The following SLC25A44 variants were observed in gnomAD, a reference collection of about 807,000 sequenced individuals.
The protein encoded by SLC25A44 is solute carrier family 25 member 44, also known as solute carrier family 25, member 44.
SLC25A44 carries 17 observed loss-of-function variants against 29.9 expected under a neutral mutation model. That is an observed-to-expected ratio of 0.57 (90% confidence interval 0.39 to 0.85). The LOEUF is 0.85. Among genes scored for constraint, SLC25A44 ranks in the 40% least tolerant of loss-of-function variants. SLC25A44 has a pLI of 0.00. For synonymous variants in SLC25A44, 140 were observed against 151.8 expected (o/e 0.92, Z 0.57); for missense variants, 302 against 398.4 (o/e 0.76, Z 2.06).
Position 156,200,268 on chromosome 1 carries a change from C to CGCAAGGGT in SLC25A44, c.423_430dup (p.Glu144AlafsTer20). 6.2e-7 allele frequency: 1 copy of CGCAAGGGT among 1,614,150 alleles called. No individual in the cohort carries two copies. The highest frequency in any genetic ancestry group is 8.5e-7 in the Non-Finnish European group (1 of 1,180,028). Reference sequence around the variant, plus strand: ...AGTCTCCCAGCACCTGATGATGCAACGCAAGGGTGAGAAAATGGGCCGCTT... The same window carrying CGCAAGGGT: ...AGTCTCCCAGCACCTGATGATGCAACGCAAGGGTGCAAGGGTGAGAAAATGGGCCGCTT... On this transcript the variant is annotated frameshift_variant, in exon 2 of 4. Transcript: ENST00000359511. LOFTEE classifies it high-confidence loss of function.
intron 3 of SLC25A44, among the ~76,000 whole-genome samples, 200 bp from the exon 4 acceptor site, chr1:156,210,040 T>C (rs1430957245): frequency 3.3e-5 from 5 of 151,896 alleles, no homozygotes; most frequent in African/African-American, 9.7e-5. Context: ...TGTTAGTAGG[T>C]TGGGGAGCAG....
intron 1 of SLC25A44, chr1:156,197,708 G>A (rs1476441190): frequency 6.6e-6 from 1 of 152,066 alleles, no homozygotes; most frequent in African/African-American, 2.4e-5. Flanking sequence ...AGTGGGTGGA[G>A]ATCGCGCCAC....
At chr1:156,207,375 T>A (rs2540181) in intron 2 of SLC25A44, among the ~76,000 whole-genome samples, 12,598 of 152,162 alleles carry the variant, frequency 0.083, 640 homozygotes, top group African/African-American at 0.14. Flanking sequence ...GAGACGGGGT[T>A]TCACCATGTT....
rs1656367699 is a variant in SLC25A44, at chr1:156,198,773, A to G, written c.-13-1062A>G. The G allele has an allele frequency of 6.6e-6, 1 of 152,182 alleles. No individual in the cohort carries two copies. Among genetic ancestry groups the G allele is most frequent in the Admixed American group, 6.5e-5 (1 of 15,276 alleles). 9.4% of individuals were successfully genotyped at this position (152,182 alleles called of 1,614,324 possible). ...GCCTTTTCCTCTGTATCTTGTATCC[A>G]TTCCCCAGAGCGATACTGTGTATCC... is the stretch of plus-strand genomic sequence containing the variant. On this transcript the variant is annotated intron_variant, in intron 1 of 3. Transcript: ENST00000359511. The surrounding 1 kb of genome is among the most constrained non-coding windows in gnomAD (Gnocchi z 4.1).
chr1:156,199,877 C>G lies in SLC25A44; in HGVS notation c.30C>G (p.Ile10Met). 4 of 1,613,880 alleles carry G rather than the reference C, an allele frequency of 2.5e-6. No homozygotes were observed. The highest frequency in any genetic ancestry group is 1.7e-6 in the Non-Finnish European group (2 of 1,179,920). The change falls in exon 2 of 4, where the codon ATC becomes ATG. Residue 10 changes from isoleucine to methionine, a missense_variant. Transcript: ENST00000359511. ...AGGACAAACGCAACATCCAGATCAT[C>G]GAGTGGGAACACCTGGACAAGAAGA... MEDKRNIQI[I>M]EWEHLDKKKF... is the part of the protein sequence containing the mutation.
chr1:156,202,931 C>G (rs889210896), intron 2 of SLC25A44, among the ~76,000 whole-genome samples: 5 of 152,232 alleles, frequency 3.3e-5, no homozygotes, highest in Admixed American at 3.3e-4. Context: ...ACACCTAGCT[C>G]AGGGTCTGGT....
chr1:156,209,921 T>A (rs1340374135), intron 3 of SLC25A44, among the ~76,000 whole-genome samples: 1 of 150,696 alleles, frequency 6.6e-6, no homozygotes, highest in Non-Finnish European at 1.5e-5. Context: ...TTTATGAATA[T>A]TTTTTTTTTC....
At chr1:156,209,916 G>T (rs942090064) in intron 3 of SLC25A44, among the ~76,000 whole-genome samples, 3 of 152,022 alleles carry the variant, frequency 2.0e-5, no homozygotes, top group Non-Finnish European at 4.4e-5. Context: ...TAGTATTTAT[G>T]AATATTTTTT....
chr1:156,195,384 C>G (rs909510789), intron 1 of SLC25A44, among the ~76,000 whole-genome samples: 4 of 152,038 alleles, frequency 2.6e-5, no homozygotes. Context: ...ATTATAGGCC[C>G]GGCCTCACCT....
intron 2 of SLC25A44, among the ~76,000 whole-genome samples, chr1:156,201,397 C>T (rs115078818): frequency 5.3e-4 from 80 of 152,246 alleles, no homozygotes; most frequent in Admixed American, 9.2e-4. Context: ...ATGAAATTCC[C>T]GTTAGGGCAG....
At chr1:156,197,629 CG>C (rs1656297451) in intron 1 of SLC25A44, 1 of 152,050 alleles carries the variant, frequency 6.6e-6, no homozygotes, top group Admixed American at 6.6e-5. Context: ...TGGTGGCAGG[CG>C]CCTGTAGTCC....
intron 2 of SLC25A44, among the ~76,000 whole-genome samples, chr1:156,207,507 G>A (rs1657029183): frequency 6.6e-6 from 1 of 151,970 alleles, no homozygotes. Context: ...AAAATTAGCT[G>A]GGAATGGTAG....
At chr1:156,202,655 C>T (rs1008157234) in intron 2 of SLC25A44, among the ~76,000 whole-genome samples, 1 of 152,210 alleles carries the variant, frequency 6.6e-6, no homozygotes, top group Non-Finnish European at 1.5e-5. Context: ...GTGATCTTTC[C>T]CCTTTTTCAT....
Position 156,199,877 on chromosome 1 carries a change from C to A in SLC25A44, c.30C>A (p.Ile10=), listed in dbSNP as rs371279205. 2.5e-6 allele frequency: 4 copies of A among 1,613,998 alleles called. No individual in the cohort carries two copies. Among genetic ancestry groups the A allele is most frequent in the Non-Finnish European group, 3.4e-6 (4 of 1,179,912 alleles). The change falls in exon 2 of 4, where the codon ATC becomes ATA. Residue 10 remains isoleucine, a synonymous_variant. Transcript: ENST00000359511. MEDKRNIQI[I]EWEHLDKKKF... is the part of the protein sequence containing the mutation. ...AGGACAAACGCAACATCCAGATCAT[C>A]GAGTGGGAACACCTGGACAAGAAGA...
intron 1 of SLC25A44, chr1:156,199,146 G>A (rs1371307960): frequency 1.3e-5 from 2 of 152,254 alleles, no homozygotes; most frequent in East Asian, 3.8e-4. Context: ...CAATGCAGAC[G>A]GGAGAAAGTA....
intron 1 of SLC25A44, 101 bp from the exon 2 acceptor site, chr1:156,199,734 G>A (rs1656429991): frequency 4.1e-6 from 4 of 980,584 alleles, no homozygotes; most frequent in Non-Finnish European, 6.0e-6. Context: ...GAGTGTCCAG[G>A]AGATGAGGGC....
chr1:156,196,635 C>T (rs1656228506), intron 1 of SLC25A44: 1 of 152,202 alleles, frequency 6.6e-6, no homozygotes, highest in South Asian at 2.1e-4. Context: ...TTGCATGTGC[C>T]TGGCAGGAGG....
rs1382192123 is a variant in SLC25A44 at position 156,200,354 on chromosome 1, C to T, written c.507C>T (p.Ile169=). The change falls in exon 2 of 4, where the codon ATC becomes ATT. Residue 169 remains isoleucine, a synonymous_variant. Coordinates refer to ENST00000359511, the MANE Select transcript of SLC25A44 (RefSeq NM_014655.4). ...GVVAFGQTKD[I]IRQILQADGL... is the part of the protein sequence containing the mutation. ...TTGCCTTTGGCCAAACCAAGGACAT[C>T]ATCAGGCAGATCCTGCAGGCTGATG... 1.2e-6 allele frequency: 2 copies of T among 1,614,040 alleles called. No individual in the cohort carries two copies. Among genetic ancestry groups the T allele is most frequent in the Non-Finnish European group, 1.7e-6 (2 of 1,180,052 alleles).
rs972010561 is a variant in SLC25A44, at chr1:156,211,090, G to C, written c.*659G>C. On this transcript the variant is annotated 3_prime_UTR_variant, in exon 4 of 4. Coordinates refer to ENST00000359511, the MANE Select transcript of SLC25A44 (RefSeq NM_014655.4). Reference sequence around the variant, plus strand: ...TGTGTGTGTGTGTGTGTGTGTGTGTGTGTGTGTGTGTTTTAACATCTGTGA... The same window carrying C: ...TGTGTGTGTGTGTGTGTGTGTGTGTCTGTGTGTGTGTTTTAACATCTGTGA... 3 of 152,516 alleles carry C rather than the reference G, an allele frequency of 2.0e-5. No individual in the cohort carries two copies. The highest frequency in any genetic ancestry group is 4.3e-5 in the Non-Finnish European group (3 of 69,314). The allele number at this position is 152,516 out of a possible 1,614,324, so 9.4% of individuals were successfully genotyped here.
Sources: allele counts gnomAD v4.1 joint callset (sites outside exome capture counted in the v4.1 genomes callset), GRCh38; gene constraint gnomAD v4.1.1; non-coding constraint Gnocchi (gnomAD v3.1); transcripts MANE v1.5; gene names NCBI Gene and HGNC (gene_info 2026-07-23, HGNC 2026-07-21).